The following ERI3 variants were observed in gnomAD, a reference collection of about 807,000 sequenced individuals.
ERI3 encodes the protein ERI1 exoribonuclease family member 3, also known as ERI1 exoribonuclease 3.
Under a neutral mutation model 44.4 loss-of-function variants are expected in ERI3, and 18 were observed. The observed-to-expected ratio is 0.41, with a 90% confidence interval of 0.28 to 0.60. ERI3 has a LOEUF of 0.60. ERI3 is among the 20% of genes least tolerant of loss of function. The pLI is 0.36. For synonymous variants in ERI3, 183 were observed against 164.8 expected (o/e 1.11, Z -0.84); for missense variants, 294 against 435.5 (o/e 0.68, Z 2.89).
intron 7 of ERI3, among the ~76,000 whole-genome samples, chr1:44,262,124 G>T (rs140708430): frequency 0.012 from 1,809 of 152,250 alleles, 24 homozygotes; most frequent in South Asian, 0.052. Flanking sequence ...CGCTAAAGCA[G>T]AAGTTGGTCC....
chr1:44,297,534 C>CT (rs560760813), intron 6 of ERI3, among the ~76,000 whole-genome samples: 51 of 152,246 alleles, frequency 3.3e-4, no homozygotes, highest in African/African-American at 1.2e-3. Context: ...ATCTTTGCCT[C>CT]TTGAATCTGC....
rs537081053 is a variant in ERI3, at chr1:44,304,611, C to T, written c.758+3699G>A. On this transcript the variant is annotated intron_variant, in intron 6 of 8. Transcript: ENST00000372257. ...AGGACGGTCACTACCCCACAGTGCT[C>T]GCCCAGGTGCGTGGTTCCATCGTGG... Among the ~76,000 whole-genome samples, 6 of 152,308 alleles carry T rather than the reference C, an allele frequency of 3.9e-5. No individual in the cohort carries two copies. The East Asian group carries it at 1.2e-3, about 29-fold the overall frequency.
chr1:44,222,253 T>G (rs1292720594), intron 8 of ERI3, among the ~76,000 whole-genome samples: 1 of 152,222 alleles, frequency 6.6e-6, no homozygotes, highest in African/African-American at 2.4e-5. Flanking sequence ...AACAGCAGCT[T>G]GCCTGGGCAC....
intron 5 of ERI3, among the ~76,000 whole-genome samples, chr1:44,311,910 A>C (rs1645980988): frequency 6.6e-6 from 1 of 152,078 alleles, no homozygotes; most frequent in Non-Finnish European, 1.5e-5. Flanking sequence ...TTCAAAAAAA[A>C]AAGATGGTCA....
chr1:44,277,671 T>C (rs971754358), intron 7 of ERI3, among the ~76,000 whole-genome samples: 16 of 152,216 alleles, frequency 1.1e-4, no homozygotes, highest in African/African-American at 3.9e-4. Flanking sequence ...AAACACTTTT[T>C]CTTGGTTTCT....
At chr1:44,304,698 G>A (rs1387936022) in intron 6 of ERI3, among the ~76,000 whole-genome samples, 3 of 152,078 alleles carry the variant, frequency 2.0e-5, no homozygotes, top group Admixed American at 6.5e-5. Flanking sequence ...CAGCAGCCTC[G>A]AAGAAACCTC....
At chr1:44,275,715 AC>A (rs1645168341) in intron 7 of ERI3, among the ~76,000 whole-genome samples, 1 of 152,042 alleles carries the variant, frequency 6.6e-6, no homozygotes, top group Admixed American at 6.6e-5. Flanking sequence ...CAATCTTCAT[AC>A]CCTGATATAT....
chr1:44,352,414 ATAG>A (rs1646912160), intron 2 of ERI3, among the ~76,000 whole-genome samples: 1 of 2,542 alleles, frequency 3.9e-4, no homozygotes, highest in African/African-American at 1.1e-3. Flanking sequence ...TCATAGATAG[ATAG>A]ATAGATAGAT....
rs139759186 is a variant in ERI3 at position 44,327,779 on chromosome 1, A to C, written c.490-8035T>G. Among the ~76,000 whole-genome samples the C allele has an allele frequency of 5.2e-4, 79 of 152,350 alleles. 1 individual carries two copies. The East Asian group carries it at 0.015, about 29-fold the overall frequency. The stretch of plus-strand genomic sequence containing the variant: ...AAGCCTGTTCCATCAGTCACCCAAC[A>C]AAGTGGAGGAAAGGCATGTGTCTTG... On this transcript the variant is annotated intron_variant, in intron 3 of 8. Transcript: ENST00000372257.
intron 7 of ERI3, among the ~76,000 whole-genome samples, chr1:44,263,893 G>C (rs1036264372): frequency 1.3e-5 from 2 of 152,216 alleles, no homozygotes; most frequent in Admixed American, 1.3e-4. Context: ...CTCCTCAGGA[G>C]AGAGACAACC....
intron 2 of ERI3, among the ~76,000 whole-genome samples, chr1:44,352,141 T>C (rs1003780729): frequency 1.3e-5 from 2 of 152,054 alleles, no homozygotes; most frequent in African/African-American, 2.4e-5. Flanking sequence ...CAAGCTCGAG[T>C]CCCTGGATAT....
At chr1:44,329,964 C>T (rs1409178124) in intron 3 of ERI3, among the ~76,000 whole-genome samples, 2 of 152,202 alleles carry the variant, frequency 1.3e-5, no homozygotes, top group Admixed American at 1.3e-4. Context: ...AGGGTTACAA[C>T]ATGTAACTTC....
chr1:44,300,068 G>T (rs1645691745), intron 6 of ERI3, among the ~76,000 whole-genome samples: 1 of 152,142 alleles, frequency 6.6e-6, no homozygotes, highest in Non-Finnish European at 1.5e-5. Context: ...TCTCATCCAT[G>T]GTCAAGGGGA....
chr1:44,268,567 C>T (rs1044659761), intron 7 of ERI3, among the ~76,000 whole-genome samples: 7 of 152,190 alleles, frequency 4.6e-5, no homozygotes, highest in Non-Finnish European at 1.0e-4. Flanking sequence ...CCATCCAGAT[C>T]AGCCCTGAGG....
intron 8 of ERI3, among the ~76,000 whole-genome samples, chr1:44,236,497 T>C (rs923775886): frequency 6.6e-6 from 1 of 152,164 alleles, no homozygotes; most frequent in African/African-American, 2.4e-5. Context: ...AGGGAAAGCA[T>C]TCCTGAGGAA....
intron 7 of ERI3, among the ~76,000 whole-genome samples, chr1:44,262,420 C>T (rs1009750459): frequency 3.3e-5 from 5 of 152,232 alleles, no homozygotes; most frequent in African/African-American, 9.6e-5. Context: ...ATTTATATTA[C>T]CCTGTAGAGA....
chr1:44,330,888 A>C (rs1244908649), intron 3 of ERI3, among the ~76,000 whole-genome samples: 1 of 152,228 alleles, frequency 6.6e-6, no homozygotes, highest in Non-Finnish European at 1.5e-5. Context: ...GTCTCCTGAT[A>C]TCAGTTTCCT....
intron 7 of ERI3, among the ~76,000 whole-genome samples, chr1:44,251,287 G>A (rs893357953): frequency 3.9e-5 from 6 of 152,232 alleles, no homozygotes; most frequent in Non-Finnish European, 7.3e-5. Context: ...TGGCCCAAGC[G>A]CATATATGCT....
At chr1:44,226,357 G>A (rs950048890) in intron 8 of ERI3, among the ~76,000 whole-genome samples, 1 of 152,134 alleles carries the variant, frequency 6.6e-6, no homozygotes, top group Non-Finnish European at 1.5e-5. Flanking sequence ...TTAAGGAGGG[G>A]AATGACAGTA....
Sources: gnomAD v4.1 joint callset for allele counts (sites outside exome capture counted in the v4.1 genomes callset) on GRCh38, gnomAD v4.1.1 for gene constraint, MANE v1.5 for transcripts, NCBI Gene and HGNC (gene_info 2026-07-23, HGNC 2026-07-21) for gene names.